Variants in BOD1L1 observed in about 807,000 individuals in gnomAD.
BOD1L1 encodes the protein biorientation of chromosomes in cell division protein 1-like 1.
A neutral mutation model predicts 240.7 loss-of-function variants in BOD1L1; 86 were observed. The observed-to-expected ratio is 0.36, with a 90% CI of 0.30 to 0.43. The LOEUF is 0.43. BOD1L1 is among the 20% of genes least tolerant of loss of function. The probability of loss-of-function intolerance (pLI) is 1.00; values close to 1 mark genes in which losing one functional copy is unlikely to be tolerated. For missense variants in BOD1L1, 3,554 were observed against 3,643.5 expected (o/e 0.98, Z 0.63); for synonymous variants, 1,268 against 1,272.3 (o/e 1.00, Z 0.07).
chr4:13,599,129 T>G lies in BOD1L1; in HGVS notation c.7771A>C (p.Ser2591Arg), dbSNP rs535370509. ...SHTMIPPATY[S>R]VALLAPKCEQ... is the part of the protein sequence containing the mutation. ...CATTTAGGAGCCAACAGAGCTACAC[T>G]GTAAGTAGCTGGAGGGATCATTGTG... The change falls in exon 10 of 26, where the codon AGT (serine) becomes CGT (arginine). Residue 2591 changes from serine (S) to arginine (R), a missense_variant. Ser to Arg is a moderately radical substitution (Grantham distance 110). Coordinates refer to ENST00000040738, the MANE Select transcript of BOD1L1 (RefSeq NM_148894.3). 1.2e-6 allele frequency: 2 copies of G among 1,613,716 alleles called. No homozygotes were observed. The highest frequency in any genetic ancestry group is 1.7e-6 in the Non-Finnish European group (2 of 1,179,720).
intron 7 of BOD1L1, 113 bp from the exon 8 acceptor site, chr4:13,608,781 A>G: frequency 3.6e-6 from 3 of 836,782 alleles, no homozygotes; most frequent in East Asian, 6.3e-5. Context: ...TGGCTTTAAT[A>G]TTCTTAAGTT....
At chr4:13,618,073 C>G (rs1716752226) in intron 2 of BOD1L1, among the ~76,000 whole-genome samples, 1 of 152,174 alleles carries the variant, frequency 6.6e-6, no homozygotes, top group South Asian at 2.1e-4. Context: ...ATTTTGTGAT[C>G]ACAATATCTT....
In BOD1L1 at chr4:13,603,416, C is replaced by T. The variant is rs61995957; in HGVS notation, c.3484G>A (p.Val1162Ile). The change falls in exon 10 of 26, where the codon GTT (valine) becomes ATT (isoleucine). Residue 1162 changes from valine (V) to isoleucine (I), a missense_variant. Around this residue, in one of 2 missense-constraint regions of BOD1L1, gnomAD observed 3,393 missense variants for 3,427.1 expected, o/e 0.99. Coordinates refer to ENST00000040738, the MANE Select transcript of BOD1L1 (RefSeq NM_148894.3). ...CAAGTTCTCAATTCATCCTTTTGAA[C>T]AGTGGCAGAAGTTTTTTGTTTCATA... ...ENMKQKTSAT[V>I]QKDELRTCTA... 30,280 of 1,613,652 alleles carry T rather than the reference C, an allele frequency of 0.019. 343 individuals are homozygous for T. Among genetic ancestry groups the T allele is most frequent in the Non-Finnish European group, 0.022 (25,442 of 1,179,808 alleles).
At position 13,601,843 on chromosome 4, in the gene BOD1L1, C is replaced by G. The variant is rs1280858224; in HGVS notation, c.5057G>C (p.Ser1686Thr). Reference protein sequence around the residue: ...GTITFISEVESDGAVTSAGTE... With the variant: ...GTITFISEVETDGAVTSAGTE... Reference sequence around the variant, plus strand: ...TCCAGCACTTGTAACTGCTCCATCACTTTCAACTTCACTAATAAAAGTAAT... The same window carrying G: ...TCCAGCACTTGTAACTGCTCCATCAGTTTCAACTTCACTAATAAAAGTAAT... Residue 1686 changes from serine to threonine, a missense_variant, in exon 10 of 26, where the codon AGT becomes ACT. Physicochemically the swap from Ser to Thr is moderately conservative, Grantham distance 58 (BLOSUM62 1). Coordinates refer to ENST00000040738, the MANE Select transcript of BOD1L1 (RefSeq NM_148894.3). The G allele has an allele frequency of 6.2e-7, 1 of 1,614,004 alleles. No homozygotes were observed. The highest frequency in any genetic ancestry group is 2.2e-5 in the East Asian group (1 of 44,890).
At chr4:13,592,178 T>G (rs966004574) in intron 12 of BOD1L1, 14 of 503,370 alleles carry the variant, frequency 2.8e-5, no homozygotes, top group Middle Eastern at 5.3e-4. Flanking sequence ...ACAACATAAA[T>G]TAATGTTGCC....
intron 11 of BOD1L1, 146 bp from the exon 12 acceptor site, chr4:13,596,090 T>C: frequency 1.5e-6 from 1 of 646,794 alleles, no homozygotes; most frequent in South Asian, 2.0e-5. Flanking sequence ...TAAAAATAAA[T>C]ACATCAACCT....
At chr4:13,577,254 TTC>T in intron 24 of BOD1L1, 147 bp downstream of exon 24, 2 of 777,814 alleles carry the variant, frequency 2.6e-6, no homozygotes. Flanking sequence ...GATGTACCAT[TTC>T]TGACACGGGA....
chr4:13,619,770 A>C (rs1022805261), intron 2 of BOD1L1, among the ~76,000 whole-genome samples, 173 bp downstream of exon 2: 7 of 152,230 alleles, frequency 4.6e-5, no homozygotes, highest in Admixed American at 4.6e-4. Context: ...AGAACATGTG[A>C]AGTGATTAGA....
rs767994448 is a variant in BOD1L1 at position 13,602,785 on chromosome 4, G to C, written c.4115C>G (p.Ala1372Gly). The C allele has an allele frequency of 6.2e-7, 1 of 1,613,956 alleles. No homozygotes were observed. Among genetic ancestry groups the C allele is most frequent in the South Asian group, 1.1e-5 (1 of 91,084 alleles). Residue 1372 changes from alanine (A) to glycine (G), a missense_variant, in exon 10 of 26, where the codon GCT becomes GGT. Physicochemically the swap from Ala to Gly is moderately conservative, Grantham distance 60. Coordinates refer to ENST00000040738, the MANE Select transcript of BOD1L1 (RefSeq NM_148894.3). ...TCCTTGTTTACCATCCAATAAAGTA[G>C]CCTGGTGAGCTTCTGGAATGTGTCT... is the stretch of plus-strand genomic sequence containing the variant. ...SKRHIPEAHQ[A>G]TLLDGKQGKV...
chr4:13,609,020 C>A (rs188815177), intron 7 of BOD1L1, among the ~76,000 whole-genome samples: 14 of 152,256 alleles, frequency 9.2e-5, no homozygotes, highest in African/African-American at 3.1e-4. Flanking sequence ...CATGTGTTAA[C>A]AATCTACTTT....
intron 25 of BOD1L1, among the ~76,000 whole-genome samples, chr4:13,576,607 A>AT (rs1712767753): frequency 6.6e-6 from 1 of 152,160 alleles, no homozygotes; most frequent in African/African-American, 2.4e-5. Context: ...GTTCCACCAA[A>AT]TAGGCATTTA....
At chr4:13,620,823 C>A (rs1716983705) in intron 1 of BOD1L1, among the ~76,000 whole-genome samples, 1 of 152,206 alleles carries the variant, frequency 6.6e-6, no homozygotes, top group East Asian at 1.9e-4. Context: ...GGCATAGACC[C>A]AAGAGAAATT....
At position 13,600,268 on chromosome 4, in the gene BOD1L1, T is replaced by C; in HGVS notation, c.6632A>G (p.Glu2211Gly). 6.2e-7 allele frequency: 1 copy of C among 1,614,022 alleles called. No individual in the cohort carries two copies. ...AATGAGAGCACATTCATCCTTCTCC[T>C]CCTTGCTGGTTGAGGCAAGAGGACT... is the stretch of plus-strand genomic sequence containing the variant. ...AESPLASTSK[E>G]EKDECALIST... Residue 2211 changes from glutamate (E) to glycine (G), a missense_variant, in exon 10 of 26, where the codon GAG becomes GGG. By Grantham distance (98) the Glu-to-Gly change is moderately conservative. Coordinates refer to ENST00000040738, the MANE Select transcript of BOD1L1 (RefSeq NM_148894.3).
At chr4:13,588,087 C>A (rs1486958465) in intron 15 of BOD1L1, among the ~76,000 whole-genome samples, 1 of 150,926 alleles carries the variant, frequency 6.6e-6, no homozygotes, top group Non-Finnish European at 1.5e-5. Context: ...GCTTGTGAGG[C>A]TGAGGCAGGA....
chr4:13,580,960 T>C, intron 21 of BOD1L1, 60 bp downstream of exon 21: 1 of 1,454,002 alleles, frequency 6.9e-7, no homozygotes, highest in African/African-American at 1.4e-5. Context: ...GATATTGCAT[T>C]ATACCGTTTT....
At position 13,576,952 on chromosome 4, in the gene BOD1L1, G is replaced by A; in HGVS notation, c.8924C>T (p.Ser2975Phe). The A allele has an allele frequency of 6.2e-7, 1 of 1,613,948 alleles. No homozygotes were observed. Among genetic ancestry groups the A allele is most frequent in the Non-Finnish European group, 8.5e-7 (1 of 1,179,874 alleles). Reference sequence around the variant, plus strand: ...CTCTTTCTTGTCCTCCACTGGATCAGAAACTGATTTCTGGCGTTTTCTTTC... The same window carrying A: ...CTCTTTCTTGTCCTCCACTGGATCAAAAACTGATTTCTGGCGTTTTCTTTC... ...EPERKRQKSV[S>F]DPVEDKKEQE... The change falls in exon 25 of 26, where the codon TCT (serine) becomes TTT (phenylalanine). Residue 2975 changes from serine (S) to phenylalanine (F), a missense_variant. By Grantham distance (155) the Ser-to-Phe change is radical. Transcript: ENST00000040738.
At chr4:13,605,173 G>T in intron 9 of BOD1L1, 89 bp from the exon 10 acceptor site, 1 of 1,138,162 alleles carries the variant, frequency 8.8e-7, no homozygotes, top group Non-Finnish European at 1.2e-6. Flanking sequence ...AATATGTTGA[G>T]TGCTGTCACA....
At chr4:13,617,242 C>CAAAAAA (rs35905517) in intron 2 of BOD1L1, among the ~76,000 whole-genome samples, 1 of 116,394 alleles carries the variant, frequency 8.6e-6, no homozygotes, top group Admixed American at 8.7e-5. Context: ...AACTCCGTCT[C>CAAAAAA]AAAAAAAAAA....
intron 25 of BOD1L1, among the ~76,000 whole-genome samples, chr4:13,576,038 G>T (rs1479696806): frequency 6.6e-6 from 1 of 151,732 alleles, no homozygotes; most frequent in Admixed American, 6.6e-5. Context: ...GAGTAGCTGG[G>T]ATTACAGGCA....
Sources: gnomAD v4.1 joint callset for allele counts (sites outside exome capture counted in the v4.1 genomes callset) on GRCh38, gnomAD v4.1.1 for gene constraint, gnomAD v4.1.1 regional missense constraint, MANE v1.5 for transcripts, NCBI Gene and HGNC (gene_info 2026-07-23, HGNC 2026-07-21) for gene names.